The following ITPR2 variants were observed in gnomAD, a reference collection of about 807,000 sequenced individuals.
ITPR2 encodes inositol 1,4,5-trisphosphate-gated calcium channel ITPR2.
In ITPR2, 207 loss-of-function variants were observed where a neutral mutation model predicts 317.1. The observed-to-expected ratio is 0.65, with a 90% CI of 0.58 to 0.73. The LOEUF is 0.73. ITPR2 is among the 30% of genes least tolerant of loss of function. ITPR2 has a pLI of 0.00. For missense variants in ITPR2, 2,613 were observed against 3,284.0 expected, an observed-to-expected ratio of 0.80 and a Z score of 4.99; for synonymous variants, 1,156 against 1,149.1, an observed-to-expected ratio of 1.01 and a Z score of -0.12.
Position 26,681,885 on chromosome 12 carries a change from C to G in ITPR2, c.1398G>C (p.Gln466His), listed in dbSNP as rs752918727. The G allele has an allele frequency of 1.9e-6, 3 of 1,609,606 alleles. No individual in the cohort carries two copies. In the Admixed American group the frequency reaches 5.0e-5, roughly 27 times the overall value. The change falls in exon 13 of 57, where the codon CAG (glutamine) becomes CAC (histidine). Residue 466 changes from glutamine to histidine, a missense_variant. Physicochemically the swap from Gln to His is conservative, Grantham distance 24. Transcript: ENST00000381340. Reference sequence around the variant, plus strand: ...ATTTAAAGAGTTACCTCCTTTCATTCTGAGTTATTGTGCCGTTTTCTAGCT... The same window carrying G: ...ATTTAAAGAGTTACCTCCTTTCATTGTGAGTTATTGTGCCGTTTTCTAGCT... Reference protein sequence around the residue: ...VKKLENGTITQNERRFVTKLL... With the variant: ...VKKLENGTITHNERRFVTKLL...
rs114634169 is a variant in ITPR2 at position 26,822,254 on chromosome 12, G to C, written c.92+10436C>G. Among the ~76,000 whole-genome samples, 1,411 of 152,268 alleles carry C rather than the reference G, an allele frequency of 9.3e-3. 15 individuals carry two copies. Among genetic ancestry groups the C allele is most frequent in the African/African-American group, 0.032 (1,321 of 41,536 alleles). ...TGTACAGTGACTCAAACATCTCAGT[G>C]ATAGATAGAACCTCATTAACACATA... On this transcript the variant is annotated intron_variant, in intron 1 of 56. Coordinates refer to ENST00000381340, the MANE Select transcript of ITPR2 (RefSeq NM_002223.4).
At chr12:26,633,704 G>T (rs2136839537) in intron 21 of ITPR2, among the ~76,000 whole-genome samples, 1 of 152,318 alleles carries the variant, frequency 6.6e-6, no homozygotes, top group African/African-American at 2.4e-5. Context: ...ATGGACTGCA[G>T]GGAGGCACAT....
chr12:26,759,618 C>A (rs972352502), intron 2 of ITPR2, among the ~76,000 whole-genome samples: 3 of 152,148 alleles, frequency 2.0e-5, no homozygotes, highest in African/African-American at 2.4e-5. Flanking sequence ...GGCAAAGTGA[C>A]AAGAATTACT....
chr12:26,745,815 A>G (rs1260142338), intron 2 of ITPR2, among the ~76,000 whole-genome samples: 1 of 152,236 alleles, frequency 6.6e-6, no homozygotes, highest in Non-Finnish European at 1.5e-5. Flanking sequence ...TTTTAGTCCC[A>G]TGATTGAGCA....
At chr12:26,810,886 A>C (rs553607195) in intron 1 of ITPR2, among the ~76,000 whole-genome samples, 2 of 152,166 alleles carry the variant, frequency 1.3e-5, no homozygotes, top group South Asian at 4.2e-4. Context: ...GGCTGGTCTC[A>C]AACTCCTGGG....
At chr12:26,533,272 C>A (rs116538696) in intron 37 of ITPR2, among the ~76,000 whole-genome samples, 1 of 152,194 alleles carries the variant, frequency 6.6e-6, no homozygotes, top group Non-Finnish European at 1.5e-5. Flanking sequence ...TTCCAATCAA[C>A]TGGTTTTTTT....
intron 45 of ITPR2, among the ~76,000 whole-genome samples, chr12:26,454,807 G>T (rs11048529): frequency 0.024 from 3,661 of 152,160 alleles, 151 homozygotes; most frequent in East Asian, 0.2. Flanking sequence ...TTTTATGGTA[G>T]CACGTTCAAG....
At chr12:26,806,174 A>G (rs142839526) in intron 1 of ITPR2, among the ~76,000 whole-genome samples, 22 of 152,350 alleles carry the variant, frequency 1.4e-4, no homozygotes, top group African/African-American at 5.1e-4. Context: ...GAGAGCTGTT[A>G]TATTGATTTT....
rs1943504362 is a variant in ITPR2 at position 26,516,285 on chromosome 12, G to GGAAAGGAAA, written c.5074-21026_5074-21025insTTTCCTTTC. On this transcript the variant is annotated intron_variant, in intron 37 of 56. Coordinates refer to ENST00000381340, the MANE Select transcript of ITPR2 (RefSeq NM_002223.4). ...AGGAAAGGAAAGGAAGGGAAGGGAA[G>GGAAAGGAAA]GGAAAGGAAAGGAAAGGAAAGGAAA... Among the ~76,000 whole-genome samples the GGAAAGGAAA allele has an allele frequency of 2.1e-4, 9 of 42,836 alleles. 1 individual carries two copies. Among genetic ancestry groups the GGAAAGGAAA allele is most frequent in the African/African-American group, 9.5e-4 (8 of 8,384 alleles). 28.1% of individuals were successfully genotyped at this position (42,836 alleles called of 152,430 possible). A position where few individuals can be genotyped will look rare whatever the true frequency, so the allele number is the denominator to read the frequency against.
intron 45 of ITPR2, among the ~76,000 whole-genome samples, chr12:26,466,890 T>C (rs1942182361): frequency 1.3e-5 from 2 of 152,216 alleles, no homozygotes; most frequent in Admixed American, 1.3e-4. Context: ...GTTTTCTACG[T>C]TCTGCACTAC....
intron 37 of ITPR2, among the ~76,000 whole-genome samples, chr12:26,520,727 TTAAAA>T (rs1487119126): frequency 6.6e-6 from 1 of 152,232 alleles, no homozygotes; most frequent in African/African-American, 2.4e-5. Context: ...AAATTTTTTG[TTAAAA>T]TAATTTGTGG....
At chr12:26,713,930 G>A (rs181488135) in intron 8 of ITPR2, among the ~76,000 whole-genome samples, 2 of 152,198 alleles carry the variant, frequency 1.3e-5, no homozygotes, top group Non-Finnish European at 1.5e-5. Flanking sequence ...ATGCAGCCTC[G>A]TGTATTATTA....
chr12:26,620,939 G>T (rs940384444), intron 26 of ITPR2, among the ~76,000 whole-genome samples, 184 bp downstream of exon 26: 2 of 152,198 alleles, frequency 1.3e-5, no homozygotes, highest in Non-Finnish European at 2.9e-5. Flanking sequence ...GGTAGAAATT[G>T]ATAAGAGCTA....
At chr12:26,493,459 C>T (rs1482851100) in intron 39 of ITPR2, among the ~76,000 whole-genome samples, 1 of 152,174 alleles carries the variant, frequency 6.6e-6, no homozygotes, top group Non-Finnish European at 1.5e-5. Context: ...AGCAGCAAAA[C>T]AGACAGCTAC....
chr12:26,477,367 A>G (rs1399073685), intron 43 of ITPR2, among the ~76,000 whole-genome samples: 2 of 152,004 alleles, frequency 1.3e-5, no homozygotes, highest in East Asian at 1.9e-4. Context: ...AAAGGTGAAC[A>G]GGTATCAGTA....
At chr12:26,696,572 A>G (rs1948354908) in intron 9 of ITPR2, among the ~76,000 whole-genome samples, 1 of 152,172 alleles carries the variant, frequency 6.6e-6, no homozygotes, top group African/African-American at 2.4e-5. Flanking sequence ...AGCAAAATGA[A>G]AGCAAAAAAA....
intron 43 of ITPR2, among the ~76,000 whole-genome samples, chr12:26,478,103 G>A (rs1385673022): frequency 6.6e-6 from 1 of 152,064 alleles, no homozygotes; most frequent in East Asian, 1.9e-4. Context: ...TTTTGTTAAG[G>A]TTGTGCAAAT....
chr12:26,651,947 T>G (rs1947265685), intron 21 of ITPR2, among the ~76,000 whole-genome samples: 1 of 152,230 alleles, frequency 6.6e-6, no homozygotes. Flanking sequence ...TGCCCTTCCC[T>G]TACCTGCAAC....
At chr12:26,737,658 G>C (rs1364316322) in intron 2 of ITPR2, among the ~76,000 whole-genome samples, 2 of 152,144 alleles carry the variant, frequency 1.3e-5, no homozygotes, top group Non-Finnish European at 2.9e-5. Context: ...ACCTGCTTCA[G>C]CTGTATTTAT....
Sources: allele counts gnomAD v4.1 joint callset (sites outside exome capture counted in the v4.1 genomes callset), GRCh38; gene constraint gnomAD v4.1.1; transcripts MANE v1.5; gene names NCBI Gene and HGNC (gene_info 2026-07-23, HGNC 2026-07-21).